SRRM1: variants seen among roughly 807,000 people sequenced by gnomAD.
The protein encoded by SRRM1 is serine/arginine repetitive matrix protein 1.
A neutral mutation model predicts 110.2 loss-of-function variants in SRRM1; 19 were observed. That is an observed-to-expected ratio of 0.17 (90% CI 0.12 to 0.25). The LOEUF is 0.25. Among genes scored for constraint, SRRM1 ranks in the 10% least tolerant of loss-of-function variants. SRRM1 has a pLI of 1.00. For missense variants in SRRM1, 918 were observed against 1,145.8 expected (o/e 0.80, Z 2.87); for synonymous variants, 443 against 414.9 (o/e 1.07, Z -0.82).
Position 24,667,829 on chromosome 1 carries a change from A to G in SRRM1, c.1739+904A>G, listed in dbSNP as rs556481830. On this transcript the variant is annotated intron_variant, in intron 13 of 16. Transcript: ENST00000323848. Reference sequence around the variant, plus strand: ...TAATTTTCTTATGGTTATATAAAATATTAGCATGGTGAAGTGGCAAATCTC... The same window carrying G: ...TAATTTTCTTATGGTTATATAAAATGTTAGCATGGTGAAGTGGCAAATCTC... Among the ~76,000 whole-genome samples, 34 of 152,326 alleles carry G rather than the reference A, an allele frequency of 2.2e-4. No individual in the cohort carries two copies. The South Asian group carries it at 7.0e-3, about 32-fold the overall frequency.
In SRRM1 at chr1:24,655,082, C is replaced by G. The variant is rs377721428; in HGVS notation, c.1268C>G (p.Thr423Arg). The G allele has an allele frequency of 1.1e-4, 172 of 1,614,018 alleles. No homozygotes were observed. Among genetic ancestry groups the G allele is most frequent in the Non-Finnish European group, 1.2e-4 (145 of 1,180,040 alleles). Reference sequence around the variant, plus strand: ...CCTACACCCCAGCAGTCAAACCGTACAAGAAAAAGTCGTGTTTCTGTGTCT... The same window carrying G: ...CCTACACCCCAGCAGTCAAACCGTAGAAGAAAAAGTCGTGTTTCTGTGTCT... ...HSPTPQQSNR[T>R]RKSRVSVSPG... Residue 423 changes from threonine to arginine, a missense_variant, in exon 9 of 17, where the codon ACA becomes AGA. Around this residue, in one of 5 missense-constraint regions of SRRM1, gnomAD observed 456 missense variants for 453.5 expected, o/e 1.01. Transcript: ENST00000323848.
intron 12 of SRRM1, 23 bp downstream of exon 12, chr1:24,662,827 G>T: frequency 6.2e-7 from 1 of 1,609,628 alleles, no homozygotes; most frequent in African/African-American, 1.3e-5. Flanking sequence ...CTTCAGTGAT[G>T]TTCACTGATG....
At position 24,654,054 on chromosome 1, in the gene SRRM1, A is replaced by G. The variant is rs564050593; in HGVS notation, c.1041-801A>G. Among the ~76,000 whole-genome samples the G allele has an allele frequency of 9.2e-4, 140 of 152,306 alleles. 2 individuals carry two copies. In the South Asian group the frequency reaches 0.028, roughly 30 times the overall value. On this transcript the variant is annotated intron_variant, in intron 8 of 16. Transcript: ENST00000323848. ...ATTGATGTGTTGTGCTCATAGAGGA[A>G]ATTAGTGAGGTAAATGGTCAGTCAA...
At chr1:24,663,283 T>A in intron 12 of SRRM1, 2 of 1,357,810 alleles carry the variant, frequency 1.5e-6, no homozygotes, top group Non-Finnish European at 2.0e-6. Context: ...AGTGACTTAA[T>A]TTCCTATTTA....
Position 24,654,845 on chromosome 1 carries a change from T to C in SRRM1, c.1041-10T>C, listed in dbSNP as rs767036623. 4 of 1,614,006 alleles carry C rather than the reference T, an allele frequency of 2.5e-6. No homozygotes were observed. Among genetic ancestry groups the C allele is most frequent in the South Asian group, 2.2e-5 (2 of 91,084 alleles). On this transcript the variant is annotated splice_polypyrimidine_tract_variant and intron_variant, in intron 8 of 16. Coordinates refer to ENST00000323848, the MANE Select transcript of SRRM1 (RefSeq NM_005839.4). ...GTGCAATTAGTGAATATGAATACTT[T>C]ATTCCACAGAAGAAGACGTTCGTCA...
Position 24,662,673 on chromosome 1 carries a change from C to T in SRRM1, c.1497C>T (p.Ser499=), listed in dbSNP as rs1419679862. Residue 499 remains serine, a synonymous_variant, in exon 12 of 17, where the codon TCC becomes TCT. Coordinates refer to ENST00000323848, the MANE Select transcript of SRRM1 (RefSeq NM_005839.4). The part of the protein sequence containing the change: ...NQQSSSDSGS[S]SSSEDERPKR... ...TTGTAATTATAGACTCTGGCTCCTC[C>T]TCCTCCTCAGAAGATGAACGACCCA... The T allele has an allele frequency of 1.2e-6, 2 of 1,613,704 alleles. No homozygotes were observed. The highest frequency in any genetic ancestry group is 1.7e-6 in the Non-Finnish European group (2 of 1,179,890).
rs1383181643 is a variant in SRRM1, at chr1:24,670,237, G to T, written c.2322G>T (p.Gln774His). 1.2e-6 allele frequency: 2 copies of T among 1,614,104 alleles called. No individual in the cohort carries two copies. The highest frequency in any genetic ancestry group is 1.7e-6 in the Non-Finnish European group (2 of 1,180,030). The change falls in exon 15 of 17, where the codon CAG (glutamine) becomes CAT (histidine). Residue 774 changes from glutamine to histidine, a missense_variant. Around this residue, in one of 5 missense-constraint regions of SRRM1, gnomAD observed 357 missense variants for 402.9 expected, o/e 0.89. Coordinates refer to ENST00000323848, the MANE Select transcript of SRRM1 (RefSeq NM_005839.4). The stretch of plus-strand genomic sequence containing the variant: ...CACCTCCATCCCCCGTCCAGTCTCA[G>T]TCACCGTCTACAAACTGGTCACCAG... ...PPAPPSPVQS[Q>H]SPSTNWSPAV... is the part of the protein sequence containing the mutation.
chr1:24,651,074 T>G (rs758735260), intron 5 of SRRM1, among the ~76,000 whole-genome samples: 2 of 152,246 alleles, frequency 1.3e-5, no homozygotes, highest in Non-Finnish European at 2.9e-5. Context: ...GGAGTTTGAT[T>G]TGTTGTCAAG....
intron 13 of SRRM1, among the ~76,000 whole-genome samples, chr1:24,668,786 T>TA (rs1671314453): frequency 6.6e-6 from 1 of 152,232 alleles, no homozygotes; most frequent in South Asian, 2.1e-4. Context: ...GTTCAGTTAA[T>TA]ACAGTGCAAG....
intron 12 of SRRM1, among the ~76,000 whole-genome samples, chr1:24,664,439 A>G (rs750692205): frequency 3.9e-5 from 6 of 152,260 alleles, no homozygotes; most frequent in Non-Finnish European, 8.8e-5. Flanking sequence ...TAGGGCCGCA[A>G]AGTGACAAAG....
chr1:24,658,208 A>ATTT (rs573100578), intron 9 of SRRM1, among the ~76,000 whole-genome samples: 3,511 of 137,494 alleles, frequency 0.026, 78 homozygotes, highest in Middle Eastern at 0.089. Context: ...GATGGTATAA[A>ATTT]TTTTTTTTTT....
At chr1:24,662,106 AAAT>A (rs921085686) in intron 11 of SRRM1, among the ~76,000 whole-genome samples, 4 of 152,144 alleles carry the variant, frequency 2.6e-5, no homozygotes, top group African/African-American at 9.7e-5. Context: ...TCCACAAAAA[AAAT>A]AATAATAATC....
intron 8 of SRRM1, 29 bp downstream of exon 8, chr1:24,653,061 A>G (rs767198281): frequency 1.2e-6 from 2 of 1,600,946 alleles, no homozygotes; most frequent in African/African-American, 1.3e-5. Flanking sequence ...GGAAGTGTCA[A>G]GTGTTTGACA....
chr1:24,662,608 A>G (rs1667849411), intron 11 of SRRM1, 52 bp from the exon 12 acceptor site: 2 of 1,587,476 alleles, frequency 1.3e-6, no homozygotes, highest in Admixed American at 1.7e-5. Flanking sequence ...GAAAACTTGG[A>G]CAGATTCAAG....
rs6660909 is a variant in SRRM1 at position 24,669,598 on chromosome 1, T to C, written c.2204+11T>C. Reference sequence around the variant, plus strand: ...TAAAAAGATAAAAAAGTAAAAATATTTTATGCTTTTCCATTAGGAATACTT... The same window carrying C: ...TAAAAAGATAAAAAAGTAAAAATATCTTATGCTTTTCCATTAGGAATACTT... On this transcript the variant is annotated intron_variant, in intron 14 of 16. Transcript: ENST00000323848. 1.6e-3 allele frequency: 2,502 copies of C among 1,526,212 alleles called. 27 individuals are homozygous for C. The African/African-American group carries it at 0.03, about 18-fold the overall frequency. 94.5% of individuals were successfully genotyped at this position (1,526,212 alleles called of 1,614,324 possible).
chr1:24,652,029 A>AATATATATGTAT (rs1661027992), intron 6 of SRRM1, among the ~76,000 whole-genome samples: 1 of 79,846 alleles, frequency 1.3e-5, no homozygotes, highest in Non-Finnish European at 2.6e-5. Flanking sequence ...CTGTACTAAA[A>AATATATATGTAT]ATATATATAT....
intron 7 of SRRM1, 135 bp from the exon 8 acceptor site, chr1:24,652,778 G>T: frequency 7.5e-7 from 1 of 1,336,210 alleles, no homozygotes; most frequent in South Asian, 1.6e-5. Flanking sequence ...ACTTTTCTGT[G>T]TACCATAAAA....
chr1:24,646,604 C>CG (rs1657806406), intron 2 of SRRM1, 63 bp from the exon 3 acceptor site: 56 of 1,452,886 alleles, frequency 3.9e-5, no homozygotes, highest in Non-Finnish European at 5.0e-5. Context: ...AGACAGAACT[C>CG]TAACTTGAGC....
intron 9 of SRRM1, 57 bp from the exon 10 acceptor site, chr1:24,660,662 A>T (rs1391184199): frequency 1.2e-6 from 1 of 847,670 alleles, no homozygotes; most frequent in Non-Finnish European, 1.8e-6. Flanking sequence ...AAAGAAAAGC[A>T]TCTTGTATAG....
Sources: allele counts gnomAD v4.1 joint callset (sites outside exome capture counted in the v4.1 genomes callset), GRCh38; gene constraint gnomAD v4.1.1; regional missense constraint gnomAD v4.1.1; transcripts MANE v1.5; gene names NCBI Gene and HGNC (gene_info 2026-07-23, HGNC 2026-07-21).